Variants in PTPRS observed in about 807,000 individuals in gnomAD.
The protein encoded by PTPRS is receptor-type tyrosine-protein phosphatase S.
In PTPRS, 63 loss-of-function variants were observed where a neutral mutation model predicts 215.3. That is an observed-to-expected ratio of 0.29 (90% confidence interval 0.24 to 0.36). The LOEUF (loss-of-function observed/expected upper bound fraction) is 0.36. Ranked by LOEUF, PTPRS falls within the 10% of genes least tolerant of loss-of-function variation. The probability of loss-of-function intolerance (pLI) is 1.00; values close to 1 mark genes in which losing one functional copy is unlikely to be tolerated. For missense variants in PTPRS, 2,258 were observed against 2,825.8 expected, an observed-to-expected ratio of 0.80 and a Z score of 4.56; for synonymous variants, 1,404 against 1,191.4, an observed-to-expected ratio of 1.18 and a Z score of -3.68.
chr19:5,298,133 T>G, intron 1 of PTPRS, among the ~76,000 whole-genome samples: 1 of 152,184 alleles, frequency 6.6e-6, no homozygotes, highest in Non-Finnish European at 1.5e-5. Flanking sequence ...ATGGGTGCTT[T>G]TCTTTCGTTC....
rs1422449098 is a variant in PTPRS at position 5,295,064 on chromosome 19, C to A, written c.-94-8830G>T. ...TGGGCACACAGTGGGCCCTCAGGAG[C>A]AGAGTAGGCACCTTGCTTGTATCTG... On this transcript the variant is annotated intron_variant, in intron 1 of 37. Transcript: ENST00000262963. The surrounding 1 kb of genome is among the most constrained non-coding windows in gnomAD (Gnocchi z 4.6). 6.6e-6 allele frequency among the ~76,000 whole-genome samples: 1 copy of A among 152,202 alleles called. No homozygotes were observed. Among genetic ancestry groups the A allele is most frequent in the Non-Finnish European group, 1.5e-5 (1 of 68,038 alleles).
chr19:5,222,746 G>A lies in PTPRS; in HGVS notation c.3046C>T (p.Arg1016Trp), dbSNP rs779903263. ...GGGGGGCTGAAGGGGCCAGGGCCCC[G>A]GCGCGTGTGGGCTCGCACTTGGAGG... ...YDLQVRAHTR[R>W]GPGPFSPPVR... Residue 1016 changes from arginine to tryptophan, a missense_variant, in exon 18 of 38, where the codon CGG (arginine) becomes TGG (tryptophan). Transcript: ENST00000262963. 1.8e-5 allele frequency: 29 copies of A among 1,598,148 alleles called. No individual in the cohort carries two copies. The highest frequency in any genetic ancestry group is 9.4e-5 in the African/African-American group (7 of 74,726).
chr19:5,213,198 G>A (rs11879689), intron 30 of PTPRS, among the ~76,000 whole-genome samples: 6,971 of 152,148 alleles, frequency 0.046, 565 homozygotes, highest in African/African-American at 0.16. Flanking sequence ...CCTCTTTGCC[G>A]CAGACCTTGG....
chr19:5,212,092 T>G lies in PTPRS; in HGVS notation c.4928A>C (p.Glu1643Ala). Residue 1643 changes from glutamate (E) to alanine (A), a missense_variant, in exon 32 of 38, where the codon GAG (glutamate) becomes GCG (alanine). Around this residue, in one of 6 missense-constraint regions of PTPRS, gnomAD observed 927 missense variants for 1,125.9 expected, o/e 0.82. Coordinates refer to ENST00000262963, the MANE Select transcript of PTPRS (RefSeq NM_002850.4). The stretch of plus-strand genomic sequence containing the variant: ...ACAGCCCACGGCCTCCAGCAGGGCC[T>G]CGTGGATGAAGCTGTACTGGTCCTC... ...QTEDQYSFIHEALLEAVGCGN... is the reference protein window; with the variant it reads ...QTEDQYSFIHAALLEAVGCGN... 6.2e-7 allele frequency: 1 copy of G among 1,614,074 alleles called. No homozygotes were observed. Among genetic ancestry groups the G allele is most frequent in the Non-Finnish European group, 8.5e-7 (1 of 1,180,050 alleles).
At chr19:5,271,157 T>C (rs1002216890) in intron 4 of PTPRS, among the ~76,000 whole-genome samples, 1 of 152,218 alleles carries the variant, frequency 6.6e-6, no homozygotes, top group Non-Finnish European at 1.5e-5. Flanking sequence ...TGGCTGGCAG[T>C]GGCTCATATA....
At chr19:5,228,919 T>C (rs1599526761) in intron 16 of PTPRS, among the ~76,000 whole-genome samples, 1 of 152,068 alleles carries the variant, frequency 6.6e-6, no homozygotes, top group East Asian at 1.9e-4. Context: ...CAGGGCTGAA[T>C]TGAGTGACAG....
At position 5,210,499 on chromosome 19, in the gene PTPRS, G is replaced by A. The variant is rs900745718; in HGVS notation, c.5457C>T (p.Ile1819=). Residue 1819 remains isoleucine (I), a synonymous_variant, in exon 35 of 38, where the codon ATC becomes ATT. Transcript: ENST00000262963. This position sits in a 1 kb window ranked among gnomAD's most constrained non-coding sequence, Gnocchi z 4.5. ...PMAEYNMPQY[I]LREFKVTDAR... ...CATCTGTGACCTTGAACTCTCGCAG[G>A]ATATACTGAGGCATGTTGTATTCTG... The A allele has an allele frequency of 4.3e-6, 7 of 1,614,160 alleles. No homozygotes were observed. The highest frequency in any genetic ancestry group is 1.3e-5 in the African/African-American group (1 of 75,046).
chr19:5,219,180 T>G (rs2041755065), intron 23 of PTPRS, 130 bp downstream of exon 23: 2 of 1,277,592 alleles, frequency 1.6e-6, no homozygotes, highest in Non-Finnish European at 2.2e-6. Context: ...TGGCTTAACC[T>G]CTCTGAACTT....
chr19:5,235,458 A>G, intron 13 of PTPRS, among the ~76,000 whole-genome samples: 1 of 152,332 alleles, frequency 6.6e-6, no homozygotes, highest in African/African-American at 2.4e-5. Context: ...CTGTGTAACC[A>G]GCCCTATCCC....
intron 4 of PTPRS, among the ~76,000 whole-genome samples, chr19:5,270,283 TC>T (rs1163158261): frequency 8.1e-6 from 1 of 123,368 alleles, no homozygotes; most frequent in South Asian, 2.7e-4. Context: ...TATCTTTTCT[TC>T]CCCCTCCCCC....
intron 6 of PTPRS, among the ~76,000 whole-genome samples, chr19:5,262,148 G>A (rs2046046119): frequency 6.6e-6 from 1 of 152,150 alleles, no homozygotes; most frequent in South Asian, 2.1e-4. Flanking sequence ...GGTGGTGGGT[G>A]CCTGTAATCC....
At chr19:5,314,590 A>C (rs1164365417) in intron 1 of PTPRS, among the ~76,000 whole-genome samples, 1 of 151,394 alleles carries the variant, frequency 6.6e-6, no homozygotes, top group Non-Finnish European at 1.5e-5. Flanking sequence ...GCATTTCACT[A>C]TGTTGCCCAG....
intron 6 of PTPRS, among the ~76,000 whole-genome samples, chr19:5,262,180 C>A (rs1440898720): frequency 3.3e-5 from 5 of 152,100 alleles, no homozygotes; most frequent in Non-Finnish European, 5.9e-5. Flanking sequence ...GAGACTGAGG[C>A]AGGAGAATTG....
intron 1 of PTPRS, chr19:5,292,638 G>C (rs1326769394): frequency 6.6e-6 from 1 of 152,358 alleles, no homozygotes; most frequent in Non-Finnish European, 1.5e-5. Context: ...ACAGGCCCGA[G>C]AGGAGCGGAA....
chr19:5,319,498 A>G (rs1317228286), intron 1 of PTPRS, among the ~76,000 whole-genome samples: 1 of 146,978 alleles, frequency 6.8e-6, no homozygotes, highest in East Asian at 2.0e-4. Context: ...CACCTGGTCC[A>G]TCCCTGGCAT....
chr19:5,314,775 G>T lies in PTPRS; in HGVS notation c.-95+25889C>A, dbSNP rs1034610155. On this transcript the variant is annotated intron_variant, in intron 1 of 37. Coordinates refer to ENST00000262963, the MANE Select transcript of PTPRS (RefSeq NM_002850.4). The stretch of plus-strand genomic sequence containing the variant: ...GAGCCTTGTTAGTAGCCAGGGCAGA[G>T]AGCTGAAGATTCGAGACATCACAGG... Among the ~76,000 whole-genome samples the T allele has an allele frequency of 2.8e-5, 4 of 143,936 alleles. No homozygotes were observed. In the South Asian group the frequency reaches 8.5e-4, roughly 31 times the overall value. 94.4% of individuals were successfully genotyped at this position (143,936 alleles called of 152,430 possible).
chr19:5,248,748 T>C (rs2044734289), intron 9 of PTPRS, among the ~76,000 whole-genome samples: 1 of 152,202 alleles, frequency 6.6e-6, no homozygotes, highest in Admixed American at 6.5e-5. Flanking sequence ...AGTAAACCTC[T>C]CCAGGCAGAC....
chr19:5,210,529 C>G lies in PTPRS; in HGVS notation c.5427G>C (p.Pro1809=). The change falls in exon 35 of 38, where the codon CCG becomes CCC. Residue 1809 remains proline (P), a synonymous_variant. Transcript: ENST00000262963. This position sits in a 1 kb window ranked among gnomAD's most constrained non-coding sequence, Gnocchi z 4.5. ...SARYQYFVVD[P]MAEYNMPQYI... The stretch of plus-strand genomic sequence containing the variant: ...ACTGAGGCATGTTGTATTCTGCCAT[C>G]GGATCTACCACAAAGTACTGGTAGC... 6.2e-7 allele frequency: 1 copy of G among 1,614,204 alleles called. No homozygotes were observed. Among genetic ancestry groups the G allele is most frequent in the African/African-American group, 1.3e-5 (1 of 75,064 alleles).
intron 2 of PTPRS, among the ~76,000 whole-genome samples, chr19:5,276,240 T>C (rs946779995): frequency 6.6e-6 from 1 of 152,138 alleles, no homozygotes; most frequent in South Asian, 2.1e-4. Flanking sequence ...TTTTTGTTTT[T>C]TGAGATGAAG....
Sources: allele counts gnomAD v4.1 joint callset (sites outside exome capture counted in the v4.1 genomes callset), GRCh38; gene constraint gnomAD v4.1.1; regional missense constraint gnomAD v4.1.1; non-coding constraint Gnocchi (gnomAD v3.1); transcripts MANE v1.5; gene names NCBI Gene and HGNC (gene_info 2026-07-23, HGNC 2026-07-21).